FSHR: variants seen among roughly 807,000 people sequenced by gnomAD.
The protein encoded by FSHR is follicle-stimulating hormone receptor.
Under a neutral mutation model 52.1 loss-of-function variants are expected in FSHR, and 46 were observed. The observed-to-expected ratio is 0.88, with a 90% confidence interval of 0.70 to 1.13. FSHR has a LOEUF of 1.13. FSHR is among the 50% of genes most tolerant of loss of function. The pLI is 0.00. For missense variants in FSHR, 964 were observed against 834.6 expected (o/e 1.16, Z -1.91); for synonymous variants, 399 against 309.6 (o/e 1.29, Z -3.03).
intron 1 of FSHR, among the ~76,000 whole-genome samples, chr2:49,127,738 TTTCTTC>T (rs137939058): frequency 2.4e-5 from 3 of 126,126 alleles, no homozygotes; most frequent in African/African-American, 1.1e-4. Flanking sequence ...TTGTGCATGA[TTTCTTC>T]TTCTTCTTTC....
chr2:48,993,186 G>T (rs1372503882), intron 4 of FSHR, among the ~76,000 whole-genome samples: 1 of 151,874 alleles, frequency 6.6e-6, no homozygotes, highest in Non-Finnish European at 1.5e-5. Context: ...CATCAATATT[G>T]TGTGACTCCT....
intron 2 of FSHR, among the ~76,000 whole-genome samples, chr2:49,020,540 A>C (rs1164210499): frequency 1.3e-5 from 2 of 151,778 alleles, no homozygotes. Flanking sequence ...CTAGATAGTA[A>C]ATACTTTTTT....
At chr2:49,019,458 C>A (rs1667614413) in intron 3 of FSHR, among the ~76,000 whole-genome samples, 1 of 152,068 alleles carries the variant, frequency 6.6e-6, no homozygotes, top group Non-Finnish European at 1.5e-5. Context: ...TCTGTGTGAG[C>A]AGCGCTATTA....
intron 3 of FSHR, among the ~76,000 whole-genome samples, chr2:49,019,762 A>G (rs1033175338): frequency 6.6e-6 from 1 of 152,212 alleles, no homozygotes; most frequent in African/African-American, 2.4e-5. Flanking sequence ...ATCATGTGGG[A>G]CTTATTTTGG....
intron 1 of FSHR, among the ~76,000 whole-genome samples, chr2:49,076,804 A>C (rs1669965591): frequency 6.6e-6 from 1 of 152,198 alleles, no homozygotes; most frequent in Non-Finnish European, 1.5e-5. Flanking sequence ...AAATTTGGCC[A>C]ATTTTGGCCA....
chr2:49,033,567 G>T (rs547163974), intron 2 of FSHR, among the ~76,000 whole-genome samples: 3 of 152,050 alleles, frequency 2.0e-5, no homozygotes, highest in African/African-American at 7.2e-5. Flanking sequence ...AGAGGAAAAC[G>T]GATGGTCTGC....
At chr2:48,983,223 T>A (rs1223900095) in intron 6 of FSHR, 57 bp from the exon 7 acceptor site, 1 of 1,527,616 alleles carries the variant, frequency 6.5e-7, no homozygotes, top group Non-Finnish European at 9.1e-7. Flanking sequence ...AATACACGGG[T>A]TTCATAATTG....
intron 2 of FSHR, among the ~76,000 whole-genome samples, chr2:49,030,006 C>A (rs993905798): frequency 6.6e-6 from 1 of 152,202 alleles, no homozygotes; most frequent in Non-Finnish European, 1.5e-5. Context: ...CCGCATCCTT[C>A]TTATGGCACT....
chr2:49,029,344 T>C (rs1326909705), intron 2 of FSHR, among the ~76,000 whole-genome samples: 1 of 152,206 alleles, frequency 6.6e-6, no homozygotes, highest in Non-Finnish European at 1.5e-5. Context: ...AAACTTGGCA[T>C]GCTAGAAAGA....
chr2:48,967,163 A>G (rs186451611), intron 9 of FSHR, among the ~76,000 whole-genome samples: 3 of 152,272 alleles, frequency 2.0e-5, no homozygotes, highest in Admixed American at 6.5e-5. Context: ...TGGCACAATT[A>G]TAGCTCACTG....
intron 9 of FSHR, among the ~76,000 whole-genome samples, chr2:48,966,672 G>A (rs765967288): frequency 7.9e-5 from 12 of 152,248 alleles, no homozygotes; most frequent in Middle Eastern, 3.4e-3. Flanking sequence ...CACTATTGAA[G>A]GAATAAATCT....
At chr2:48,997,185 A>G (rs1027517626) in intron 4 of FSHR, 2 of 974,906 alleles carry the variant, frequency 2.1e-6, no homozygotes, top group Non-Finnish European at 2.4e-6. Context: ...TTACCTTTTC[A>G]GAGTCTCAGT....
intron 1 of FSHR, among the ~76,000 whole-genome samples, chr2:49,110,139 A>G (rs1258580021): frequency 1.3e-5 from 2 of 152,164 alleles, no homozygotes; most frequent in Non-Finnish European, 1.5e-5. Flanking sequence ...GTCATTACCC[A>G]GTGACAACAG....
intron 2 of FSHR, among the ~76,000 whole-genome samples, chr2:49,037,479 T>C (rs1668308421): frequency 6.6e-6 from 1 of 152,176 alleles, no homozygotes; most frequent in African/African-American, 2.4e-5. Context: ...TGCACTTCAA[T>C]AAGTGAGGAT....
chr2:49,024,182 G>A (rs1667838418), intron 2 of FSHR, among the ~76,000 whole-genome samples: 2 of 152,046 alleles, frequency 1.3e-5, no homozygotes, highest in Non-Finnish European at 2.9e-5. Flanking sequence ...CTAGGATTTC[G>A]ATGACATGAA....
At chr2:49,077,501 G>T (rs570749244) in intron 1 of FSHR, among the ~76,000 whole-genome samples, 38 of 152,004 alleles carry the variant, frequency 2.5e-4, no homozygotes, top group African/African-American at 7.7e-4. Flanking sequence ...TCTCTAACGT[G>T]CCCTGGAGAC....
rs777868940 is a variant in FSHR, at chr2:48,983,202, C to G, written c.525-36G>C. The G allele has an allele frequency of 4.5e-5, 70 of 1,571,906 alleles. No individual in the cohort carries two copies. In the Middle Eastern group the frequency reaches 8.4e-4, roughly 19 times the overall value. On this transcript the variant is annotated intron_variant, in intron 6 of 9. Coordinates refer to ENST00000406846, the MANE Select transcript of FSHR (RefSeq NM_000145.4). ...AGGCCTATTAAAAAACCAATAATGT[C>G]AGATGCAAACAATACACGGGTTTCA...
At chr2:49,064,222 C>G (rs573710872) in intron 2 of FSHR, among the ~76,000 whole-genome samples, 1 of 151,858 alleles carries the variant, frequency 6.6e-6, no homozygotes, top group East Asian at 2.0e-4. Context: ...AAGTTGAAGG[C>G]TGTTGCAGTT....
intron 1 of FSHR, among the ~76,000 whole-genome samples, chr2:49,150,678 T>C (rs553824361): frequency 2.6e-5 from 4 of 152,150 alleles, no homozygotes; most frequent in African/African-American, 9.6e-5. Flanking sequence ...CCACCATCTC[T>C]GACTCATCAG....
Sources: allele counts gnomAD v4.1 joint callset (sites outside exome capture counted in the v4.1 genomes callset), GRCh38; gene constraint gnomAD v4.1.1; transcripts MANE v1.5; gene names NCBI Gene and HGNC (gene_info 2026-07-23, HGNC 2026-07-21).